Variants in ITPR2 observed in about 807,000 individuals in gnomAD.
ITPR2 encodes the protein inositol 1,4,5-trisphosphate receptor type 2, also known as inositol 1,4,5-trisphosphate-gated calcium channel ITPR2.
Under a neutral mutation model 317.1 loss-of-function variants are expected in ITPR2, and 207 were observed. The observed-to-expected ratio is 0.65, with a 90% CI of 0.58 to 0.73. ITPR2 has a LOEUF of 0.73. ITPR2 is among the 30% of genes least tolerant of loss of function. The pLI is 0.00. For synonymous variants in ITPR2, 1,156 were observed against 1,149.1 expected (o/e 1.01, Z -0.12); for missense variants, 2,613 against 3,284.0 (o/e 0.80, Z 4.99).
chr12:26,635,718 C>T (rs117453254), intron 21 of ITPR2, among the ~76,000 whole-genome samples: 2,287 of 152,308 alleles, frequency 0.015, 28 homozygotes, highest in Non-Finnish European at 0.026. Context: ...GGAAGTCTTC[C>T]TATTTCCCAT....
At chr12:26,571,168 T>G (rs1443026235) in intron 34 of ITPR2, among the ~76,000 whole-genome samples, 4 of 152,190 alleles carry the variant, frequency 2.6e-5, no homozygotes, top group Non-Finnish European at 5.9e-5. Context: ...CAAAAGCACT[T>G]TAGCCTTTAA....
At chr12:26,536,792 T>C (rs557029990) in intron 37 of ITPR2, among the ~76,000 whole-genome samples, 3 of 152,298 alleles carry the variant, frequency 2.0e-5, no homozygotes, top group African/African-American at 4.8e-5. Context: ...AGGGCCAAGA[T>C]CAAGGTTCCA....
At chr12:26,673,132 T>C (rs370256480) in intron 13 of ITPR2, among the ~76,000 whole-genome samples, 7 of 152,228 alleles carry the variant, frequency 4.6e-5, no homozygotes, top group African/African-American at 9.6e-5. Context: ...GGAACTGGTA[T>C]CATTCCTTCT....
chr12:26,820,647 A>AAT (rs1021071595), intron 1 of ITPR2, among the ~76,000 whole-genome samples: 6 of 152,228 alleles, frequency 3.9e-5, no homozygotes, highest in Admixed American at 3.3e-4. Context: ...AATTTTTAAA[A>AAT]ATATATATCT....
chr12:26,514,673 C>T (rs974943358), intron 37 of ITPR2, among the ~76,000 whole-genome samples: 3 of 152,136 alleles, frequency 2.0e-5, no homozygotes, highest in Non-Finnish European at 4.4e-5. Context: ...GACTTCATTG[C>T]ATTTATTTTC....
intron 2 of ITPR2, among the ~76,000 whole-genome samples, chr12:26,737,952 A>T (rs1949158608): frequency 6.6e-6 from 1 of 152,160 alleles, no homozygotes; most frequent in Non-Finnish European, 1.5e-5. Context: ...AATAAGATTA[A>T]CAGAGAGTCA....
intron 1 of ITPR2, among the ~76,000 whole-genome samples, chr12:26,812,663 G>C (rs1245890455): frequency 6.6e-6 from 1 of 152,164 alleles, no homozygotes; most frequent in Non-Finnish European, 1.5e-5. Context: ...ACTCAAACAG[G>C]TATAATGTCA....
intron 10 of ITPR2, among the ~76,000 whole-genome samples, chr12:26,686,889 T>G (rs1268532926): frequency 6.6e-6 from 1 of 152,168 alleles, no homozygotes; most frequent in East Asian, 1.9e-4. Flanking sequence ...TACCAATAGT[T>G]ATGGACCCTT....
chr12:26,612,385 C>T (rs1406327638), intron 26 of ITPR2, among the ~76,000 whole-genome samples: 1 of 152,180 alleles, frequency 6.6e-6, no homozygotes, highest in East Asian at 1.9e-4. Flanking sequence ...ATTTACTAAA[C>T]AACAAAGGAG....
intron 32 of ITPR2, among the ~76,000 whole-genome samples, chr12:26,589,841 T>G: frequency 6.4e-5 from 1 of 15,664 alleles, no homozygotes; most frequent in African/African-American, 1.9e-4. Flanking sequence ...AACATATATA[T>G]ATATATATAT....
intron 55 of ITPR2, among the ~76,000 whole-genome samples, chr12:26,344,063 T>C (rs1408761882): frequency 6.6e-6 from 1 of 152,188 alleles, no homozygotes; most frequent in East Asian, 1.9e-4. Context: ...AGTTTGGTCC[T>C]TTCTTGCTCT....
At chr12:26,410,917 C>G (rs1169865736) in intron 52 of ITPR2, among the ~76,000 whole-genome samples, 1 of 152,114 alleles carries the variant, frequency 6.6e-6, no homozygotes, top group Non-Finnish European at 1.5e-5. Context: ...CATAACTTGT[C>G]CAAGACATAG....
chr12:26,610,681 G>A (rs1946242406), intron 26 of ITPR2, among the ~76,000 whole-genome samples: 1 of 152,148 alleles, frequency 6.6e-6, no homozygotes, highest in Admixed American at 6.5e-5. Flanking sequence ...ATCATGTCCA[G>A]TGAAATATAA....
intron 34 of ITPR2, among the ~76,000 whole-genome samples, chr12:26,570,993 C>T (rs556944197): frequency 6.6e-6 from 1 of 152,210 alleles, no homozygotes; most frequent in African/African-American, 2.4e-5. Context: ...ATGTTTATAC[C>T]TTACATTCCA....
Position 26,754,533 on chromosome 12 carries a change from C to T in ITPR2, c.164-28768G>A, listed in dbSNP as rs552587461. Among the ~76,000 whole-genome samples the T allele has an allele frequency of 3.9e-5, 6 of 152,232 alleles. 1 individual carries two copies. Among genetic ancestry groups the T allele is most frequent in the South Asian group, 2.1e-4 (1 of 4,820 alleles). On this transcript the variant is annotated intron_variant, in intron 2 of 56. Coordinates refer to ENST00000381340, the MANE Select transcript of ITPR2 (RefSeq NM_002223.4). ...ACTACTGAAGGAACAGTTTTACATG[C>T]GAGGTGTATAAAGAAAGTGAAATGT...
intron 52 of ITPR2, among the ~76,000 whole-genome samples, chr12:26,404,200 T>C (rs1220558245): frequency 1.3e-5 from 2 of 152,064 alleles, no homozygotes; most frequent in African/African-American, 4.8e-5. Context: ...CTGACAGAAC[T>C]GTAGGCAGAA....
chr12:26,579,986 A>C, intron 33 of ITPR2, 41 bp downstream of exon 33: 1 of 1,574,648 alleles, frequency 6.4e-7, no homozygotes, highest in East Asian at 2.3e-5. Context: ...CAAATAAGAG[A>C]AACTCTTTGC....
intron 37 of ITPR2, among the ~76,000 whole-genome samples, chr12:26,507,988 T>G (rs150499974): frequency 2.0e-5 from 3 of 152,160 alleles, no homozygotes; most frequent in African/African-American, 7.2e-5. Context: ...GTCTTTGAAG[T>G]ATGAAGATTC....
chr12:26,750,629 G>A (rs1367650510), intron 2 of ITPR2, among the ~76,000 whole-genome samples: 1 of 152,150 alleles, frequency 6.6e-6, no homozygotes, highest in Admixed American at 6.5e-5. Flanking sequence ...TATTGCTCCA[G>A]GCAAAATGGG....
Sources: gnomAD v4.1 joint callset for allele counts (sites outside exome capture counted in the v4.1 genomes callset) on GRCh38, gnomAD v4.1.1 for gene constraint, MANE v1.5 for transcripts, NCBI Gene and HGNC (gene_info 2026-07-23, HGNC 2026-07-21) for gene names.